Variants in GRID1 observed in about 807,000 individuals in gnomAD.
GRID1 encodes the protein glutamate ionotropic receptor delta type subunit 1, also known as glutamate receptor ionotropic, delta-1.
In GRID1, 28 loss-of-function variants were observed where a neutral mutation model predicts 98.0. That is an observed-to-expected ratio of 0.29 (90% CI 0.21 to 0.39). The LOEUF is 0.39. Ranked by LOEUF, GRID1 falls within the 10% of genes least tolerant of loss-of-function variation. The pLI is 1.00. For synonymous variants in GRID1, 553 were observed against 538.5 expected, an observed-to-expected ratio of 1.03 and a Z score of -0.37; for missense variants, 1,111 against 1,340.5, an observed-to-expected ratio of 0.83 and a Z score of 2.67.
At chr10:86,179,875 GAGAGA>G (rs1845630030) in intron 3 of GRID1, among the ~76,000 whole-genome samples, 1 of 152,206 alleles carries the variant, frequency 6.6e-6, no homozygotes, top group Admixed American at 6.5e-5. Context: ...CCGTAAAGTG[GAGAGA>G]AGAGGAGGCC....
At chr10:85,798,705 T>G (rs1238610771) in intron 8 of GRID1, among the ~76,000 whole-genome samples, 1 of 141,860 alleles carries the variant, frequency 7.0e-6, no homozygotes, top group East Asian at 2.0e-4. Flanking sequence ...TAAATCAGAT[T>G]TTTTTTTGTT....
Position 85,869,078 on chromosome 10 carries a change from T to A in GRID1, c.883A>T (p.Thr295Ser), listed in dbSNP as rs1277371735. The change falls in exon 6 of 16, where the codon ACG becomes TCG. Residue 295 changes from threonine (T) to serine (S), a missense_variant. Transcript: ENST00000327946. The stretch of plus-strand genomic sequence containing the variant: ...GAGGAGATGCGGTGGTTGTTCCTCG[T>A]GCATTTCTGATTGTCCTTTGCAGAC... ...FPSAKDNQKC[T>S]RNNHRISSLL... 5.0e-6 allele frequency: 8 copies of A among 1,613,886 alleles called. No homozygotes were observed. The Admixed American group carries it at 1.3e-4, about 27-fold the overall frequency.
chr10:86,132,298 C>T (rs1733349580), intron 4 of GRID1, among the ~76,000 whole-genome samples: 1 of 152,198 alleles, frequency 6.6e-6, no homozygotes, highest in Admixed American at 6.5e-5. Context: ...CTCTCTGTTC[C>T]CTTCCTGAAC....
chr10:86,326,223 C>T (rs1848048638), intron 2 of GRID1, among the ~76,000 whole-genome samples: 1 of 152,210 alleles, frequency 6.6e-6, no homozygotes, highest in African/African-American at 2.4e-5. Flanking sequence ...TTACTAAAAG[C>T]ATTAAAGAGA....
intron 5 of GRID1, among the ~76,000 whole-genome samples, chr10:85,882,323 C>T (rs544037045): frequency 4.6e-5 from 7 of 152,232 alleles, no homozygotes; most frequent in Middle Eastern, 3.4e-3. Flanking sequence ...CACATGCACA[C>T]GTATGTTTAT....
chr10:85,711,986 A>G (rs1272322836), intron 12 of GRID1, among the ~76,000 whole-genome samples: 2 of 151,656 alleles, frequency 1.3e-5, no homozygotes, highest in Admixed American at 1.3e-4. Flanking sequence ...TAAGAATATA[A>G]TAATAATAAT....
At chr10:86,145,787 C>A (rs1845081565) in intron 3 of GRID1, among the ~76,000 whole-genome samples, 1 of 152,130 alleles carries the variant, frequency 6.6e-6, no homozygotes, top group Middle Eastern at 3.2e-3. Flanking sequence ...CTTTATCAAA[C>A]CCCAAGGCTT....
chr10:85,755,930 G>A (rs144787328), intron 8 of GRID1, among the ~76,000 whole-genome samples: 1 of 152,216 alleles, frequency 6.6e-6, no homozygotes, highest in Non-Finnish European at 1.5e-5. Context: ...ACCCTGCCAT[G>A]CGCTGGACGC....
chr10:86,070,820 T>A (rs1195460291), intron 4 of GRID1, among the ~76,000 whole-genome samples: 1 of 152,158 alleles, frequency 6.6e-6, no homozygotes, highest in African/African-American at 2.4e-5. Flanking sequence ...ATTAATCCCA[T>A]CTTGCTCTTA....
chr10:86,261,307 G>C (rs1010953129), intron 2 of GRID1, among the ~76,000 whole-genome samples: 2 of 152,228 alleles, frequency 1.3e-5, no homozygotes, highest in Non-Finnish European at 2.9e-5. Flanking sequence ...GGAGAAAAAG[G>C]GCCCCCAGGA....
chr10:86,332,818 C>T (rs547596247), intron 2 of GRID1, among the ~76,000 whole-genome samples: 16 of 152,282 alleles, frequency 1.1e-4, no homozygotes, highest in Middle Eastern at 3.4e-3. Flanking sequence ...GAGGCCCAAG[C>T]GTAGACGTGA....
At chr10:85,784,430 G>C (rs1435694519) in intron 8 of GRID1, among the ~76,000 whole-genome samples, 1 of 152,174 alleles carries the variant, frequency 6.6e-6, no homozygotes, top group Non-Finnish European at 1.5e-5. Flanking sequence ...CTTCCTAGGG[G>C]ACAGAACTAG....
chr10:85,859,687 A>G (rs763028677), intron 6 of GRID1, among the ~76,000 whole-genome samples: 8 of 152,066 alleles, frequency 5.3e-5, no homozygotes, highest in Non-Finnish European at 8.8e-5. Flanking sequence ...CCCTGGTAAG[A>G]TATTGTCTCT....
At chr10:86,067,152 C>A (rs1843730552) in intron 4 of GRID1, among the ~76,000 whole-genome samples, 1 of 152,210 alleles carries the variant, frequency 6.6e-6, no homozygotes, top group Admixed American at 6.5e-5. Flanking sequence ...ATGCCACTGA[C>A]AAGGGAGTAT....
intron 3 of GRID1, among the ~76,000 whole-genome samples, chr10:86,178,673 T>A (rs1272918299): frequency 6.6e-6 from 1 of 152,136 alleles, no homozygotes; most frequent in Non-Finnish European, 1.5e-5. Context: ...GACTCCTCAT[T>A]TCCATGCATC....
intron 12 of GRID1, among the ~76,000 whole-genome samples, chr10:85,648,834 A>G (rs1843229520): frequency 1.3e-5 from 2 of 152,134 alleles, no homozygotes; most frequent in Non-Finnish European, 2.9e-5. Context: ...GTGGGCTTCT[A>G]TGGCAGCATG....
intron 2 of GRID1, among the ~76,000 whole-genome samples, chr10:86,346,736 G>A (rs1055470559): frequency 2.6e-5 from 4 of 152,218 alleles, no homozygotes; most frequent in African/African-American, 7.2e-5. Flanking sequence ...GATAAACAGA[G>A]GCTGGCCAGG....
chr10:85,961,343 C>T (rs551540640), intron 4 of GRID1, among the ~76,000 whole-genome samples: 45 of 152,128 alleles, frequency 3.0e-4, no homozygotes, highest in Non-Finnish European at 5.1e-4. Flanking sequence ...TCTGTCAGCC[C>T]GGGAGCTATG....
chr10:85,625,564 T>G, intron 13 of GRID1, among the ~76,000 whole-genome samples: 1 of 152,162 alleles, frequency 6.6e-6, no homozygotes, highest in East Asian at 1.9e-4. Context: ...TGAGCATCCA[T>G]CCCTGGGATG....
Sources: gnomAD v4.1 joint callset for allele counts (sites outside exome capture counted in the v4.1 genomes callset) on GRCh38, gnomAD v4.1.1 for gene constraint, MANE v1.5 for transcripts, NCBI Gene and HGNC (gene_info 2026-07-23, HGNC 2026-07-21) for gene names.